The following MYL11 variants were observed in gnomAD, a reference collection of about 807,000 sequenced individuals.
MYL11 encodes myosin regulatory light chain 11.
the MYL11 span, chr16:30,376,127 C>A: frequency 4.5e-5 from 72 of 1,612,052 alleles, no homozygotes; most frequent in Non-Finnish European, 6.0e-5. Context: ...TAACCCTCCC[C>A]ACCACGGCCC....
the MYL11 span, chr16:30,374,988 C>A: frequency 8.0e-7 from 1 of 1,247,396 alleles, no homozygotes. Context: ...TTCTCGGCAT[C>A]ACTGATGGAA....
chr16:30,372,125 C>A, the MYL11 span, among the ~76,000 whole-genome samples: 4 of 152,174 alleles, frequency 2.6e-5, no homozygotes, highest in Non-Finnish European at 5.9e-5. Flanking sequence ...CTGAGCTCTC[C>A]TCCCATTCCC....
the MYL11 span, chr16:30,377,924 C>T: frequency 6.3e-7 from 1 of 1,590,564 alleles, no homozygotes; most frequent in East Asian, 2.3e-5. Flanking sequence ...CCTCCGCTGC[C>T]CGACGCTTCT....
At chr16:30,377,881 A>C in the MYL11 span, 1 of 1,612,896 alleles carries the variant, frequency 6.2e-7, no homozygotes, top group Non-Finnish European at 8.5e-7. Flanking sequence ...ACGCACGGCG[A>C]CGCCAAGGAC....
At chr16:30,373,716 C>T in the MYL11 span, among the ~76,000 whole-genome samples, 6 of 150,182 alleles carry the variant, frequency 4.0e-5, no homozygotes, top group African/African-American at 1.5e-4. Context: ...AAGCCGAGAT[C>T]GCACCATTGC....
the MYL11 span, among the ~76,000 whole-genome samples, chr16:30,372,140 T>C: frequency 1.3e-5 from 2 of 152,218 alleles, no homozygotes; most frequent in Admixed American, 6.5e-5. Flanking sequence ...ATTCCCCTTT[T>C]TGGAGTCCTC....
chr16:30,377,565 G>A, the MYL11 span: 42 of 1,341,120 alleles, frequency 3.1e-5, no homozygotes, highest in Non-Finnish European at 3.9e-5. Context: ...TTTCAGGGGA[G>A]GCTGGGGCTG....
At chr16:30,371,705 T>A in the MYL11 span, among the ~76,000 whole-genome samples, 1 of 152,192 alleles carries the variant, frequency 6.6e-6, no homozygotes, top group East Asian at 1.9e-4. Context: ...ACTCCCCATA[T>A]GTGTGTTACT....
At chr16:30,373,724 T>G in the MYL11 span, among the ~76,000 whole-genome samples, 1 of 146,596 alleles carries the variant, frequency 6.8e-6, no homozygotes, top group Non-Finnish European at 1.5e-5. Flanking sequence ...ATCGCACCAT[T>G]GCACTCCCAC....
chr16:30,374,259 T>C, the MYL11 span, among the ~76,000 whole-genome samples: 1 of 147,946 alleles, frequency 6.8e-6, no homozygotes, highest in South Asian at 2.2e-4. Flanking sequence ...GAGGTTGCAG[T>C]GAACCGAGAT....
At chr16:30,372,356 T>TA in the MYL11 span, 1 of 152,462 alleles carries the variant, frequency 6.6e-6, no homozygotes, top group African/African-American at 2.4e-5. Flanking sequence ...GAAAATGTCT[T>TA]AGAGGTATCG....
At chr16:30,377,561 G>A in the MYL11 span, 1 of 1,322,720 alleles carries the variant, frequency 7.6e-7, no homozygotes, top group Non-Finnish European at 1.0e-6. Context: ...GGGTTTTCAG[G>A]GGAGGCTGGG....
the MYL11 span, chr16:30,376,187 A>G: frequency 1.2e-6 from 2 of 1,614,020 alleles, no homozygotes; most frequent in East Asian, 2.2e-5. Context: ...TATTATAGAC[A>G]AGGAGGACCT....
chr16:30,376,349 A>T, the MYL11 span: 1 of 1,553,686 alleles, frequency 6.4e-7, no homozygotes, highest in South Asian at 1.2e-5. Context: ...GAATGGGATC[A>T]GCTGAATTAG....
chr16:30,377,758 T>G, the MYL11 span: 1 of 1,606,600 alleles, frequency 6.2e-7, no homozygotes, highest in Non-Finnish European at 8.5e-7. Flanking sequence ...CCGGGGAGAC[T>G]AAGGGCCTGT....
chr16:30,373,676 C>T, the MYL11 span, among the ~76,000 whole-genome samples: 7 of 151,066 alleles, frequency 4.6e-5, 1 homozygote, highest in East Asian at 5.8e-4. Flanking sequence ...GCAGAAGTAT[C>T]GCTTGAACCC....
the MYL11 span, among the ~76,000 whole-genome samples, chr16:30,374,211 G>T: frequency 1.3e-5 from 2 of 151,824 alleles, no homozygotes; most frequent in African/African-American, 4.8e-5. Context: ...AGCTACTCGG[G>T]AGGCCAAGAT....
the MYL11 span, chr16:30,372,181 C>G: frequency 6.6e-6 from 1 of 152,572 alleles, no homozygotes; most frequent in Admixed American, 6.5e-5. Flanking sequence ...AATAAGTGGG[C>G]TCCTCCCTGG....
chr16:30,376,312 G>A, the MYL11 span: 1 of 1,553,866 alleles, frequency 6.4e-7, no homozygotes, highest in Non-Finnish European at 8.8e-7. Context: ...GCTCCACCTT[G>A]GGCCTCAGTC....
Sources: allele counts gnomAD v4.1 joint callset (sites outside exome capture counted in the v4.1 genomes callset), GRCh38; gene constraint gnomAD v4.1.1; transcripts MANE v1.5; gene names NCBI Gene and HGNC (gene_info 2026-07-23, HGNC 2026-07-21).